Variants in NPTN observed in about 807,000 individuals in gnomAD.
The protein encoded by NPTN is neuroplastin.
A neutral mutation model predicts 42.7 loss-of-function variants in NPTN; 5 were observed. The ratio of observed to expected loss-of-function variants is 0.12; its 90% confidence interval spans 0.06 to 0.25. NPTN has a LOEUF of 0.25. NPTN is among the 10% of genes least tolerant of loss of function. NPTN has a pLI of 1.00. For synonymous variants in NPTN, 180 were observed against 201.9 expected, an observed-to-expected ratio of 0.89 and a Z score of 0.92; for missense variants, 307 against 525.4, an observed-to-expected ratio of 0.58 and a Z score of 4.06.
chr15:73,612,420 CA>C (rs35226980), intron 1 of NPTN, among the ~76,000 whole-genome samples: 69,123 of 119,854 alleles, frequency 0.58, 17,640 homozygotes, highest in African/African-American at 0.62. Context: ...ATCCTGTCTC[CA>C]AAAAAAAAAA....
At chr15:73,590,778 A>G (rs1317284657) in intron 3 of NPTN, among the ~76,000 whole-genome samples, 3 of 152,140 alleles carry the variant, frequency 2.0e-5, no homozygotes, top group African/African-American at 7.2e-5. Flanking sequence ...ATAAAATAAC[A>G]ACAAAAAATC....
chr15:73,589,885 G>C (rs547895391), intron 3 of NPTN, among the ~76,000 whole-genome samples: 2 of 151,914 alleles, frequency 1.3e-5, no homozygotes, highest in Non-Finnish European at 2.9e-5. Context: ...AAACAGACAA[G>C]TCAGCTGCTC....
intron 4 of NPTN, among the ~76,000 whole-genome samples, chr15:73,577,599 T>A (rs577786202): frequency 1.8e-3 from 279 of 152,322 alleles, no homozygotes; most frequent in Middle Eastern, 3.4e-3. Context: ...ATTGCCTTTG[T>A]AGAACTAACA....
In NPTN at chr15:73,597,257, T is replaced by G; in HGVS notation, c.204A>C (p.Glu68Asp). Residue 68 changes from glutamate to aspartate, a missense_variant, in exon 2 of 9, where the codon GAA becomes GAC. Physicochemically the swap from Glu to Asp is conservative, Grantham distance 45. Around this residue, in one of 2 missense-constraint regions of NPTN, gnomAD observed 264 missense variants for 491.1 expected, o/e 0.54. Coordinates refer to ENST00000345330, the MANE Select transcript of NPTN (RefSeq NM_012428.4). The surrounding 1 kb of genome is among the most constrained non-coding windows in gnomAD (Gnocchi z 6.3). ...GTCTGAAAGACTCTGCCCGGTTGAC[T>G]TCTGCGTACCACCACTGGATCTCTG... ...PTPEIQWWYA[E>D]VNRAESFRQL... 6.2e-7 allele frequency: 1 copy of G among 1,614,154 alleles called. No homozygotes were observed. The highest frequency in any genetic ancestry group is 1.3e-5 in the African/African-American group (1 of 75,026).
chr15:73,565,719 G>T, intron 6 of NPTN: 1 of 456,332 alleles, frequency 2.2e-6, no homozygotes, highest in Non-Finnish European at 4.4e-6. Flanking sequence ...GGACTGGGGG[G>T]ATAATGGAAA....
intron 1 of NPTN, among the ~76,000 whole-genome samples, chr15:73,625,797 C>A (rs930776311): frequency 6.6e-6 from 1 of 151,992 alleles, no homozygotes; most frequent in Non-Finnish European, 1.5e-5. Context: ...AAGGGTGTAG[C>A]TGAAACTAGA....
At chr15:73,583,631 A>T (rs1321307131) in intron 4 of NPTN, among the ~76,000 whole-genome samples, 1 of 152,180 alleles carries the variant, frequency 6.6e-6, no homozygotes, top group Non-Finnish European at 1.5e-5. Flanking sequence ...GGCTGAAGTT[A>T]ATGTTCAAAA....
chr15:73,594,400 A>T (rs1362007581), intron 2 of NPTN, among the ~76,000 whole-genome samples: 1 of 152,234 alleles, frequency 6.6e-6, no homozygotes, highest in Non-Finnish European at 1.5e-5. Context: ...AAGGCAAAGG[A>T]AAGCACTTTT....
chr15:73,582,595 A>G (rs1361398932), intron 4 of NPTN, among the ~76,000 whole-genome samples: 2 of 151,934 alleles, frequency 1.3e-5, no homozygotes, highest in Non-Finnish European at 2.9e-5. Context: ...GCTGTACACC[A>G]TAATCACCTG....
chr15:73,599,218 C>T (rs1896965310), intron 1 of NPTN, among the ~76,000 whole-genome samples: 1 of 151,802 alleles, frequency 6.6e-6, no homozygotes, highest in Non-Finnish European at 1.5e-5. Context: ...GCATGAAGAG[C>T]TGAGCTCACT....
At chr15:73,611,069 T>A (rs899264624) in intron 1 of NPTN, among the ~76,000 whole-genome samples, 1 of 152,238 alleles carries the variant, frequency 6.6e-6, no homozygotes, top group Non-Finnish European at 1.5e-5. Flanking sequence ...GTTGTGATAG[T>A]AGCAAAAATT....
chr15:73,565,940 A>T (rs996110920), intron 6 of NPTN, among the ~76,000 whole-genome samples: 6 of 152,202 alleles, frequency 3.9e-5, no homozygotes, highest in African/African-American at 1.4e-4. Context: ...AGATGGCTTT[A>T]AAGTCCGAAT....
At chr15:73,606,415 C>T (rs1176387015) in intron 1 of NPTN, among the ~76,000 whole-genome samples, 1 of 152,092 alleles carries the variant, frequency 6.6e-6, no homozygotes, top group Non-Finnish European at 1.5e-5. Flanking sequence ...AGCTGCTGGT[C>T]CCTAAGAGAA....
At chr15:73,600,422 C>T (rs184936580) in intron 1 of NPTN, among the ~76,000 whole-genome samples, 8 of 152,290 alleles carry the variant, frequency 5.3e-5, no homozygotes, top group African/African-American at 1.9e-4. Flanking sequence ...ATGTGCTAAG[C>T]ACTTTATTCA....
Position 73,569,283 on chromosome 15 carries a change from C to G in NPTN, c.1114+867G>C. The G allele has an allele frequency of 1.0e-6, 1 of 985,556 alleles. No homozygotes were observed. The highest frequency in any genetic ancestry group is 1.2e-6 in the Non-Finnish European group (1 of 830,038). The allele number at this position is 985,556 out of a possible 1,614,324, so 61.1% of individuals were successfully genotyped here. A position where few individuals can be genotyped will look rare whatever the true frequency, so the allele number is the denominator to read the frequency against. On this transcript the variant is annotated intron_variant, in intron 6 of 8. Coordinates refer to ENST00000345330, the MANE Select transcript of NPTN (RefSeq NM_012428.4). The surrounding 1 kb of genome is among the most constrained non-coding windows in gnomAD (Gnocchi z 4.1). ...TACAAGTCTCCATCAGCAGCTTCCC[C>G]CTTCACAGGAAAAATCGATCACCAA...
At chr15:73,602,299 C>G (rs1217724975) in intron 1 of NPTN, among the ~76,000 whole-genome samples, 1 of 152,152 alleles carries the variant, frequency 6.6e-6, no homozygotes, top group Non-Finnish European at 1.5e-5. Context: ...TCCCTTCAAA[C>G]CCCCTCTACC....
intron 4 of NPTN, among the ~76,000 whole-genome samples, chr15:73,580,798 T>C (rs28620408): frequency 0.029 from 4,395 of 151,960 alleles, 245 homozygotes; most frequent in African/African-American, 0.1. Context: ...CTGTCAGACT[T>C]TACTCTGTAT....
At chr15:73,602,467 C>A (rs1165431115) in intron 1 of NPTN, among the ~76,000 whole-genome samples, 1 of 152,162 alleles carries the variant, frequency 6.6e-6, no homozygotes, top group Non-Finnish European at 1.5e-5. Context: ...GAGCAAGACC[C>A]ACTGACATCT....
intron 1 of NPTN, among the ~76,000 whole-genome samples, chr15:73,603,288 A>G (rs1395697444): frequency 2.0e-5 from 3 of 152,236 alleles, no homozygotes; most frequent in Non-Finnish European, 4.4e-5. Flanking sequence ...AATAAGTGCT[A>G]AACAGGCCAC....
Sources: gnomAD v4.1 joint callset for allele counts (sites outside exome capture counted in the v4.1 genomes callset) on GRCh38, gnomAD v4.1.1 for gene constraint, gnomAD v4.1.1 regional missense constraint, Gnocchi (gnomAD v3.1) non-coding constraint, MANE v1.5 for transcripts, NCBI Gene and HGNC (gene_info 2026-07-23, HGNC 2026-07-21) for gene names.